The following NOL4L variants were observed in gnomAD, a reference collection of about 807,000 sequenced individuals.
NOL4L encodes the protein nucleolar protein 4 like, also known as nucleolar protein 4-like.
A neutral mutation model predicts 64.5 loss-of-function variants in NOL4L; 7 were observed. The ratio of observed to expected loss-of-function variants is 0.11; its 90% CI spans 0.06 to 0.20. The LOEUF (loss-of-function observed/expected upper bound fraction) is 0.20. NOL4L is among the 10% of genes least tolerant of loss of function. The pLI is 1.00. For synonymous variants in NOL4L, 413 were observed against 401.0 expected, an observed-to-expected ratio of 1.03 and a Z score of -0.36; for missense variants, 680 against 967.1, an observed-to-expected ratio of 0.70 and a Z score of 3.94.
intron 1 of NOL4L, among the ~76,000 whole-genome samples, chr20:32,583,435 C>A (rs1980629144): frequency 7.1e-6 from 1 of 140,592 alleles, no homozygotes; most frequent in Admixed American, 7.0e-5. Flanking sequence ...GCGGGCGGGC[C>A]GGCCGGGGGA....
intron 1 of NOL4L, among the ~76,000 whole-genome samples, chr20:32,574,241 C>A (rs1481725876): frequency 6.6e-6 from 1 of 152,252 alleles, no homozygotes; most frequent in African/African-American, 2.4e-5. Context: ...CCCGGGGAGA[C>A]CCCTCTTCAC....
intron 6 of NOL4L, among the ~76,000 whole-genome samples, chr20:32,455,059 G>A (rs2013348385): frequency 6.6e-6 from 1 of 152,218 alleles, no homozygotes; most frequent in Non-Finnish European, 1.5e-5. Context: ...AACTGGCCGT[G>A]TGGCCCCAGG....
intron 1 of NOL4L, among the ~76,000 whole-genome samples, chr20:32,542,058 A>G (rs2018665070): frequency 6.6e-6 from 1 of 152,224 alleles, no homozygotes; most frequent in Non-Finnish European, 1.5e-5. Context: ...GGGGGCGCTA[A>G]GCCCAGGAGA....
In NOL4L at chr20:32,464,607, C is replaced by T. The variant is rs866183257; in HGVS notation, c.842-8212G>A. Among the ~76,000 whole-genome samples the T allele has an allele frequency of 5.3e-5, 8 of 152,232 alleles. No individual in the cohort carries two copies. ...TCCTCTGCGTGTGCCCCTCAGTGCC[C>T]GGGCAGTGGGCGTTCCTGCTGAAAC... On this transcript the variant is annotated intron_variant, in intron 5 of 10. Coordinates refer to ENST00000621426, the MANE Select transcript of NOL4L (RefSeq NM_001256798.2). The surrounding 1 kb of genome is among the most constrained non-coding windows in gnomAD (Gnocchi z 5.6).
At chr20:32,505,783 TGCACAAAA>T (rs146407252) in intron 4 of NOL4L, among the ~76,000 whole-genome samples, 1,645 of 152,214 alleles carry the variant, frequency 0.011, 33 homozygotes, top group African/African-American at 0.036. Flanking sequence ...GAAGACATGA[TGCACAAAA>T]GGACAAAAGG....
rs1350914622 is a variant in NOL4L, at chr20:32,443,417, A to G, written c.*4179T>C. On this transcript the variant is annotated 3_prime_UTR_variant, in exon 11 of 11. Coordinates refer to ENST00000621426, the MANE Select transcript of NOL4L (RefSeq NM_001256798.2). ...TCACCTGCTTAGAAGAGCCACGTTA[A>G]GTTGCATAGGTGCATATCTGTAAAA... 2 of 152,250 alleles carry G rather than the reference A, an allele frequency of 1.3e-5. No individual in the cohort carries two copies. The highest frequency in any genetic ancestry group is 4.8e-5 in the African/African-American group (2 of 41,460). 9.4% of individuals were successfully genotyped at this position (152,250 alleles called of 1,614,324 possible).
intron 1 of NOL4L, among the ~76,000 whole-genome samples, chr20:32,579,829 C>G (rs766526073): frequency 1.3e-5 from 2 of 152,130 alleles, no homozygotes; most frequent in Non-Finnish European, 2.9e-5. Context: ...GCAAATGGAG[C>G]CTGTGCCAGG....
chr20:32,497,340 G>A (rs1023983677), intron 4 of NOL4L, among the ~76,000 whole-genome samples: 11 of 148,222 alleles, frequency 7.4e-5, no homozygotes, highest in African/African-American at 2.7e-4. Context: ...AGGCTGACAA[G>A]AGTCAGGGTG....
intron 1 of NOL4L, among the ~76,000 whole-genome samples, chr20:32,538,598 G>T (rs1451841931): frequency 6.6e-6 from 1 of 152,158 alleles, no homozygotes; most frequent in Admixed American, 6.5e-5. Flanking sequence ...GGGGTGGGGG[G>T]AGACTGCACC....
intron 4 of NOL4L, among the ~76,000 whole-genome samples, chr20:32,502,780 C>T (rs997857767): frequency 2.6e-4 from 39 of 150,702 alleles, no homozygotes; most frequent in Non-Finnish European, 4.9e-4. Flanking sequence ...GAGTGGTGGC[C>T]GGGGCCTGTA....
chr20:32,573,232 GTC>G (rs1205318458), intron 1 of NOL4L, among the ~76,000 whole-genome samples: 2 of 152,026 alleles, frequency 1.3e-5, no homozygotes, highest in Non-Finnish European at 2.9e-5. Context: ...GCCAGGGCTG[GTC>G]TCAAACTCCT....
At position 32,485,058 on chromosome 20, in the gene NOL4L, C is replaced by CAAAAAAAAAAAAAAAAAAAAAAAAAAA. The variant is rs57444583; in HGVS notation, c.700-10343_700-10317dup. Among the ~76,000 whole-genome samples, 52 of 17,814 alleles carry CAAAAAAAAAAAAAAAAAAAAAAAAAAA rather than the reference C, an allele frequency of 2.9e-3. 2 individuals carry two copies. The highest frequency in any genetic ancestry group is 0.012 in the South Asian group (3 of 242). 11.7% of individuals were successfully genotyped at this position (17,814 alleles called of 152,430 possible). A position where few individuals can be genotyped will look rare whatever the true frequency, so the allele number is the denominator to read the frequency against. On this transcript the variant is annotated intron_variant, in intron 4 of 10. Transcript: ENST00000621426. ...TCGTGGAATTCTGTGGGGAAATTGC[C>CAAAAAAAAAAAAAAAAAAAAAAAAAAA]AAAAAAAAAAAAAAAAAAAAAAAAA...
chr20:32,486,034 G>C (rs1184215993), intron 4 of NOL4L, among the ~76,000 whole-genome samples: 1 of 152,216 alleles, frequency 6.6e-6, no homozygotes, highest in Non-Finnish European at 1.5e-5. Flanking sequence ...TACTATCCCT[G>C]AGATAAAACA....
chr20:32,515,106 A>T (rs1181087917), intron 3 of NOL4L, among the ~76,000 whole-genome samples: 1 of 152,064 alleles, frequency 6.6e-6, no homozygotes, highest in African/African-American at 2.4e-5. Flanking sequence ...GAAAAATAAA[A>T]CAGTGGCCAG....
At chr20:32,526,122 T>A (rs2018124300) in intron 2 of NOL4L, among the ~76,000 whole-genome samples, 1 of 151,990 alleles carries the variant, frequency 6.6e-6, no homozygotes, top group Non-Finnish European at 1.5e-5. Flanking sequence ...AACTTCCAGC[T>A]CAAACAATCC....
At chr20:32,535,735 T>G (rs769699082) in intron 1 of NOL4L, 11 of 985,336 alleles carry the variant, frequency 1.1e-5, no homozygotes, top group Non-Finnish European at 1.3e-5. Flanking sequence ...TTTTGTTAAC[T>G]CTGGGATGTC....
Position 32,520,896 on chromosome 20 carries a change from C to T in NOL4L, c.504G>A (p.Pro168=), listed in dbSNP as rs540662301. 191 of 1,550,430 alleles carry T rather than the reference C, an allele frequency of 1.2e-4. No homozygotes were observed. The highest frequency in any genetic ancestry group is 1.5e-4 in the Non-Finnish European group (175 of 1,146,868). The change falls in exon 3 of 11, where the codon CCG becomes CCA. Residue 168 remains proline, a synonymous_variant. Coordinates refer to ENST00000621426, the MANE Select transcript of NOL4L (RefSeq NM_001256798.2). ...TCAGGAACCGGGTCACGGCCTCTCT[C>T]GGGAGGAAGGCATAGGTCTCTGCGA... is the stretch of plus-strand genomic sequence containing the variant. The part of the protein sequence containing the change: ...RAIAETYAFL[P]REAVTRFLMS...
intron 5 of NOL4L, among the ~76,000 whole-genome samples, chr20:32,471,386 C>T (rs138074405): frequency 6.7e-6 from 1 of 148,586 alleles, no homozygotes; most frequent in African/African-American, 2.6e-5. Flanking sequence ...CAGACACTCA[C>T]CCCGGTAGAA....
Position 32,456,015 on chromosome 20 carries a change from A to G in NOL4L, c.1119+103T>C. ...CCACCACCCTGGCTCGGTGTCACAC[A>G]CATGGGCTGGCTCCAGCTAAGCTCT... On this transcript the variant is annotated intron_variant, in intron 6 of 10. Transcript: ENST00000621426. 3 of 1,283,370 alleles carry G rather than the reference A, an allele frequency of 2.3e-6. No individual in the cohort carries two copies. In the South Asian group the frequency reaches 5.5e-5, roughly 23 times the overall value. The allele number at this position is 1,283,370 out of a possible 1,614,324, so 79.5% of individuals were successfully genotyped here.
Sources: allele counts gnomAD v4.1 joint callset (sites outside exome capture counted in the v4.1 genomes callset), GRCh38; gene constraint gnomAD v4.1.1; non-coding constraint Gnocchi (gnomAD v3.1); transcripts MANE v1.5; gene names NCBI Gene and HGNC (gene_info 2026-07-23, HGNC 2026-07-21).